The following KIF6 variants were observed in gnomAD, a reference collection of about 807,000 sequenced individuals.
KIF6 encodes the protein kinesin-like protein KIF6.
In KIF6, 106 loss-of-function variants were observed where a neutral mutation model predicts 112.7. That is an observed-to-expected ratio of 0.94 (90% CI 0.80 to 1.11). The LOEUF is 1.11. KIF6 is among the 50% of genes least tolerant of loss of function. The pLI, the probability that KIF6 is intolerant of heterozygous loss-of-function variation, is 0.00. For synonymous variants in KIF6, 339 were observed against 339.9 expected, an observed-to-expected ratio of 1.00 and a Z score of 0.03; for missense variants, 929 against 964.0, an observed-to-expected ratio of 0.96 and a Z score of 0.48.
chr6:39,643,393 A>G (rs940129323), intron 3 of KIF6, among the ~76,000 whole-genome samples: 13 of 152,364 alleles, frequency 8.5e-5, no homozygotes, highest in African/African-American at 3.1e-4. Context: ...ACAAAGGTAG[A>G]TGACTCACAC....
chr6:39,342,605 T>A lies in KIF6; in HGVS notation c.2428+1104A>T, dbSNP rs375461302. Among the ~76,000 whole-genome samples the A allele has an allele frequency of 3.0e-4, 33 of 111,206 alleles. 1 individual carries two copies. The highest frequency in any genetic ancestry group is 1.3e-3 in the South Asian group (5 of 3,962). 73.0% of individuals were successfully genotyped at this position (111,206 alleles called of 152,430 possible). ...GATCACTGAATCCAGTTTTTTATTTTTTTTTATTTTTTTTTATTTTTTTTT... is the reference window on the plus strand; with the variant it reads ...GATCACTGAATCCAGTTTTTTATTTATTTTTATTTTTTTTTATTTTTTTTT... On this transcript the variant is annotated intron_variant, in intron 22 of 22. Coordinates refer to ENST00000287152, the MANE Select transcript of KIF6 (RefSeq NM_145027.6). This position sits in a 1 kb window ranked among gnomAD's most constrained non-coding sequence, Gnocchi z 4.7.
chr6:39,582,313 C>T (rs1045304668), intron 9 of KIF6, among the ~76,000 whole-genome samples: 1 of 152,220 alleles, frequency 6.6e-6, no homozygotes, highest in African/African-American at 2.4e-5. Flanking sequence ...GAGATTTGAG[C>T]TCATGCCCAG....
chr6:39,385,463 G>A (rs563281292), intron 16 of KIF6, among the ~76,000 whole-genome samples, 159 bp downstream of exon 16: 1 of 152,270 alleles, frequency 6.6e-6, no homozygotes, highest in African/African-American at 2.4e-5. Flanking sequence ...CCTGTTAGAG[G>A]AGGGGCATCC....
chr6:39,657,802 C>A (rs1057095574), intron 3 of KIF6, among the ~76,000 whole-genome samples: 3 of 152,170 alleles, frequency 2.0e-5, no homozygotes, highest in African/African-American at 7.2e-5. Flanking sequence ...AGATAGCCTG[C>A]ACTCACATAA....
intron 13 of KIF6, among the ~76,000 whole-genome samples, chr6:39,508,952 A>C (rs1329240637): frequency 1.3e-5 from 2 of 152,152 alleles, no homozygotes; most frequent in Non-Finnish European, 2.9e-5. Flanking sequence ...GTGTAGCCTA[A>C]CTGGGAGACA....
At chr6:39,468,037 A>C (rs1426841803) in intron 13 of KIF6, among the ~76,000 whole-genome samples, 1 of 152,198 alleles carries the variant, frequency 6.6e-6, no homozygotes, top group Non-Finnish European at 1.5e-5. Flanking sequence ...TTAAAAACCA[A>C]ATTGAAATTC....
intron 13 of KIF6, among the ~76,000 whole-genome samples, chr6:39,486,174 A>C (rs1194574280): frequency 6.6e-6 from 1 of 152,214 alleles, no homozygotes; most frequent in Non-Finnish European, 1.5e-5. Flanking sequence ...ATAAGATATC[A>C]CGGAAGTATC....
At chr6:39,361,745 C>A (rs1272686816) in intron 17 of KIF6, among the ~76,000 whole-genome samples, 1 of 150,678 alleles carries the variant, frequency 6.6e-6, no homozygotes, top group African/African-American at 2.4e-5. Flanking sequence ...TGAAGACCAG[C>A]GCCTGGGGCT....
intron 10 of KIF6, among the ~76,000 whole-genome samples, chr6:39,549,259 T>C (rs1779237119): frequency 6.6e-6 from 1 of 152,076 alleles, no homozygotes; most frequent in Non-Finnish European, 1.5e-5. Context: ...TAGCCATATG[T>C]CCCTAAAAAT....
At chr6:39,548,530 G>A (rs1410878916) in intron 10 of KIF6, among the ~76,000 whole-genome samples, 1 of 152,210 alleles carries the variant, frequency 6.6e-6, no homozygotes, top group Non-Finnish European at 1.5e-5. Context: ...AAAGAAACAT[G>A]CCTGGTCTTT....
Position 39,380,642 on chromosome 6 carries a change from GAA to G in KIF6, c.1861+4978_1861+4979del, listed in dbSNP as rs1260856369. On this transcript the variant is annotated intron_variant, in intron 16 of 22. Coordinates refer to ENST00000287152, the MANE Select transcript of KIF6 (RefSeq NM_145027.6). ...GCAAATGTTTAACAGCCACTCTTTG[GAA>G]AAAAAAAAAAGCCACATTTATAATA... Among the ~76,000 whole-genome samples the G allele has an allele frequency of 6.1e-4, 86 of 141,664 alleles. 3 individuals carry two copies. The highest frequency in any genetic ancestry group is 1.9e-3 in the African/African-American group (73 of 38,808). The allele number at this position is 141,664 out of a possible 152,430, so 92.9% of individuals were successfully genotyped here. A position where few individuals can be genotyped will look rare whatever the true frequency, so the allele number is the denominator to read the frequency against.
At chr6:39,602,934 A>C (rs776349623) in intron 6 of KIF6, among the ~76,000 whole-genome samples, 1 of 152,236 alleles carries the variant, frequency 6.6e-6, no homozygotes, top group Non-Finnish European at 1.5e-5. Flanking sequence ...CATTGTGTTC[A>C]GAAAAGACAT....
chr6:39,520,922 G>C (rs1159604812), intron 13 of KIF6, among the ~76,000 whole-genome samples: 1 of 152,146 alleles, frequency 6.6e-6, no homozygotes, highest in Non-Finnish European at 1.5e-5. Context: ...TTCTGGTTTG[G>C]GTTGTCAGAA....
At chr6:39,622,206 C>T (rs183626300) in intron 5 of KIF6, among the ~76,000 whole-genome samples, 1 of 151,150 alleles carries the variant, frequency 6.6e-6, no homozygotes, top group East Asian at 1.9e-4. Flanking sequence ...AACCTATTTC[C>T]AACTGTTTTT....
At position 39,596,264 on chromosome 6, in the gene KIF6, TAA is replaced by T. The variant is rs748098709; in HGVS notation, c.640-6_640-5del. On this transcript the variant is annotated splice_polypyrimidine_tract_variant and splice_region_variant and intron_variant, in intron 6 of 22. Coordinates refer to ENST00000287152, the MANE Select transcript of KIF6 (RefSeq NM_145027.6). ...TTGAAGCTTGGTTCATAGGAGTCTATAAAAAAATTGCAAAACAAAAATTATTT... is the reference window on the plus strand; with the variant it reads ...TTGAAGCTTGGTTCATAGGAGTCTATAAAAATTGCAAAACAAAAATTATTT... 6.2e-7 allele frequency: 1 copy of T among 1,601,934 alleles called. No individual in the cohort carries two copies.
chr6:39,464,383 C>T (rs531963841), intron 13 of KIF6, among the ~76,000 whole-genome samples: 2 of 152,260 alleles, frequency 1.3e-5, no homozygotes, highest in Admixed American at 6.5e-5. Flanking sequence ...GGCTTACCCT[C>T]CTCTTGGAAA....
Position 39,613,240 on chromosome 6 carries a change from T to G in KIF6, c.588A>C (p.Glu196Asp). The change falls in exon 6 of 23, where the codon GAA becomes GAC. Residue 196 changes from glutamate (E) to aspartate (D), a missense_variant. By Grantham distance (45) the Glu-to-Asp change is conservative. Around this residue, in one of 2 missense-constraint regions of KIF6, gnomAD observed 688 missense variants for 662.7 expected, o/e 1.04. Coordinates refer to ENST00000287152, the MANE Select transcript of KIF6 (RefSeq NM_145027.6). ...NLTLHQATTE[E>D]EALNLLFLGD... ...CTAAAAAAAGCAAATTCAGAGCTTCTTCCTCTGTGGTTGCCTGATGGAGAG... is the reference window on the plus strand; with the variant it reads ...CTAAAAAAAGCAAATTCAGAGCTTCGTCCTCTGTGGTTGCCTGATGGAGAG... 1.2e-6 allele frequency: 2 copies of G among 1,606,652 alleles called. No individual in the cohort carries two copies. The highest frequency in any genetic ancestry group is 1.7e-6 in the Non-Finnish European group (2 of 1,176,418).
intron 10 of KIF6, among the ~76,000 whole-genome samples, chr6:39,567,196 G>T (rs73414692): frequency 0.021 from 3,238 of 152,274 alleles, 126 homozygotes; most frequent in African/African-American, 0.073. Flanking sequence ...TGGGGTGCTT[G>T]TGGGCCTGGC....
At chr6:39,359,812 TG>T (rs1764992563) in intron 18 of KIF6, among the ~76,000 whole-genome samples, 2 of 152,310 alleles carry the variant, frequency 1.3e-5, no homozygotes, top group South Asian at 4.1e-4. Flanking sequence ...TTAACCAGGC[TG>T]GTCTTGAACT....
Sources: allele counts gnomAD v4.1 joint callset (sites outside exome capture counted in the v4.1 genomes callset), GRCh38; gene constraint gnomAD v4.1.1; regional missense constraint gnomAD v4.1.1; non-coding constraint Gnocchi (gnomAD v3.1); transcripts MANE v1.5; gene names NCBI Gene and HGNC (gene_info 2026-07-23, HGNC 2026-07-21).